RAB3GAP1: variants seen among roughly 807,000 people sequenced by gnomAD.
RAB3GAP1 encodes the protein rab3 GTPase-activating protein catalytic subunit.
A neutral mutation model predicts 130.7 loss-of-function variants in RAB3GAP1; 86 were observed. The observed-to-expected ratio is 0.66, with a 90% confidence interval of 0.55 to 0.79. The LOEUF is 0.79. RAB3GAP1 is among the 30% of genes least tolerant of loss of function. RAB3GAP1 has a pLI of 0.00. For synonymous variants in RAB3GAP1, 367 were observed against 401.7 expected (o/e 0.91, Z 1.03); for missense variants, 1,029 against 1,169.4 (o/e 0.88, Z 1.75).
chr2:135,165,661 A>C (rs768460862), intron 23 of RAB3GAP1, among the ~76,000 whole-genome samples: 2 of 152,160 alleles, frequency 1.3e-5, no homozygotes, highest in African/African-American at 4.8e-5. Flanking sequence ...TTAATAACCA[A>C]ATATTTATTT....
In RAB3GAP1 at chr2:135,124,233, G is replaced by A. The variant is rs762561575; in HGVS notation, c.817G>A (p.Glu273Lys). ...TGGCAAGTTACCATTTGGTGCCTGC[G>A]AAGATCCTATTAGGTGAGAATTTCA... ...EFGKLPFGACEDPISELHLAT... is the reference protein window; with the variant it reads ...EFGKLPFGACKDPISELHLAT... Residue 273 changes from glutamate to lysine, a missense_variant, in exon 9 of 24, where the codon GAA becomes AAA. By Grantham distance (56) the Glu-to-Lys change is moderately conservative. This residue lies in a region of RAB3GAP1 where 510 missense variants were observed against 532.1 expected (regional missense o/e 0.96). Coordinates refer to ENST00000264158, the MANE Select transcript of RAB3GAP1 (RefSeq NM_012233.3). 16 of 1,613,962 alleles carry A rather than the reference G, an allele frequency of 9.9e-6. No individual in the cohort carries two copies. The highest frequency in any genetic ancestry group is 1.2e-5 in the Non-Finnish European group (14 of 1,179,808).
intron 21 of RAB3GAP1, 44 bp downstream of exon 21, chr2:135,162,895 A>C (rs1420786995): frequency 6.3e-7 from 1 of 1,583,470 alleles, no homozygotes; most frequent in Non-Finnish European, 8.7e-7. Flanking sequence ...TGTTCTCCTC[A>C]GTTGGCAAAA....
At chr2:135,087,813 G>A (rs1690028140) in intron 3 of RAB3GAP1, among the ~76,000 whole-genome samples, 1 of 152,176 alleles carries the variant, frequency 6.6e-6, no homozygotes, top group African/African-American at 2.4e-5. Context: ...TCTGTGAATA[G>A]GGACAGTTTT....
intron 23 of RAB3GAP1, among the ~76,000 whole-genome samples, chr2:135,167,130 A>AT (rs1469397797): frequency 2.6e-5 from 4 of 152,116 alleles, no homozygotes; most frequent in South Asian, 4.2e-4. Flanking sequence ...ATTTTAACAC[A>AT]TTTTTTTAAA....
At chr2:135,140,144 C>T (rs1001612521) in intron 17 of RAB3GAP1, among the ~76,000 whole-genome samples, 3 of 152,094 alleles carry the variant, frequency 2.0e-5, no homozygotes, top group Non-Finnish European at 4.4e-5. Flanking sequence ...TCCATTCACC[C>T]GTTGATGGGT....
At chr2:135,104,864 G>C (rs1000522382) in intron 5 of RAB3GAP1, among the ~76,000 whole-genome samples, 1 of 152,114 alleles carries the variant, frequency 6.6e-6, no homozygotes, top group Non-Finnish European at 1.5e-5. Context: ...ACTCCAGCCT[G>C]GGCAACAGAG....
chr2:135,165,395 G>A (rs1385312359), intron 23 of RAB3GAP1, among the ~76,000 whole-genome samples: 4 of 152,160 alleles, frequency 2.6e-5, no homozygotes, highest in East Asian at 1.9e-4. Flanking sequence ...CTAATTACAC[G>A]CTTCCCCTTA....
At chr2:135,120,672 C>T (rs1399985396) in intron 7 of RAB3GAP1, 147 bp from the exon 8 acceptor site, 2 of 720,778 alleles carry the variant, frequency 2.8e-6, no homozygotes, top group African/African-American at 1.8e-5. Context: ...CTAGAATATG[C>T]ACACTATTGT....
intron 3 of RAB3GAP1, among the ~76,000 whole-genome samples, chr2:135,072,527 T>G (rs899298898): frequency 9.2e-5 from 14 of 152,230 alleles, no homozygotes; most frequent in African/African-American, 3.4e-4. Context: ...AGACACAACA[T>G]AGGGAACCAA....
At chr2:135,077,174 A>T (rs1172266401) in intron 3 of RAB3GAP1, among the ~76,000 whole-genome samples, 2 of 151,736 alleles carry the variant, frequency 1.3e-5, no homozygotes, top group Non-Finnish European at 2.9e-5. Context: ...GGAGGCTGAG[A>T]CAGGAGAATT....
intron 3 of RAB3GAP1, chr2:135,089,861 T>C: frequency 5.0e-6 from 2 of 398,024 alleles, no homozygotes; most frequent in South Asian, 1.8e-5. Context: ...CTGCATGTTC[T>C]CACTCATAAG....
intron 7 of RAB3GAP1, among the ~76,000 whole-genome samples, chr2:135,119,057 A>ATCCT (rs1156434845): frequency 3.4e-5 from 5 of 146,570 alleles, no homozygotes; most frequent in East Asian, 2.0e-4. Flanking sequence ...TTTCATCCTA[A>ATCCT]TCCTTCCTTC....
At chr2:135,064,608 T>G (rs966717604) in intron 3 of RAB3GAP1, among the ~76,000 whole-genome samples, 2 of 152,058 alleles carry the variant, frequency 1.3e-5, no homozygotes, top group African/African-American at 4.8e-5. Context: ...TATTATAGCT[T>G]TAGTCCTTGA....
At chr2:135,061,302 C>T (rs1047773760) in intron 3 of RAB3GAP1, among the ~76,000 whole-genome samples, 32 of 152,054 alleles carry the variant, frequency 2.1e-4, no homozygotes, top group Non-Finnish European at 4.4e-5. Context: ...TGAGTAAATA[C>T]CTAGGATTGG....
intron 3 of RAB3GAP1, among the ~76,000 whole-genome samples, chr2:135,060,657 T>A (rs1013106561): frequency 4.6e-5 from 7 of 152,156 alleles, no homozygotes; most frequent in Admixed American, 1.3e-4. Flanking sequence ...TTAGTGACCC[T>A]TTCTAGTTAA....
At chr2:135,136,951 TG>T (rs1235839575) in intron 17 of RAB3GAP1, 3 of 232,080 alleles carry the variant, frequency 1.3e-5, no homozygotes, top group African/African-American at 6.9e-5. Flanking sequence ...AGCTGAGTAT[TG>T]GGGCATGTGT....
chr2:135,122,411 T>A (rs770443221), intron 8 of RAB3GAP1, among the ~76,000 whole-genome samples: 10 of 152,210 alleles, frequency 6.6e-5, no homozygotes, highest in Non-Finnish European at 1.3e-4. Flanking sequence ...TAAAGCAGTT[T>A]TAAAGATTTC....
At chr2:135,172,027 G>A (rs965389488), downstream of RAB3GAP1, among the ~76,000 whole-genome samples, 5 of 152,200 alleles carry the variant, frequency 3.3e-5, no homozygotes, top group East Asian at 1.9e-4. Context: ...AGTTGCACAC[G>A]TGCAAGGGCC....
At chr2:135,099,051 A>AT (rs971840392) in intron 5 of RAB3GAP1, among the ~76,000 whole-genome samples, 54 of 148,338 alleles carry the variant, frequency 3.6e-4, no homozygotes, top group South Asian at 1.1e-3. Context: ...CAGTCTGTTC[A>AT]TTTTTTTTTT....
Sources: gnomAD v4.1 joint callset for allele counts (sites outside exome capture counted in the v4.1 genomes callset) on GRCh38, gnomAD v4.1.1 for gene constraint, gnomAD v4.1.1 regional missense constraint, MANE v1.5 for transcripts, NCBI Gene and HGNC (gene_info 2026-07-23, HGNC 2026-07-21) for gene names.